PAX8: variants seen among roughly 807,000 people sequenced by gnomAD.
PAX8 encodes paired box protein Pax-8.
PAX8 carries 15 observed loss-of-function variants against 52.4 expected under a neutral mutation model. The ratio of observed to expected loss-of-function variants is 0.29; its 90% confidence interval spans 0.19 to 0.44. The LOEUF (loss-of-function observed/expected upper bound fraction) is 0.44. PAX8 is among the 20% of genes least tolerant of loss of function. The probability of loss-of-function intolerance (pLI) is 1.00; values close to 1 mark genes in which losing one functional copy is unlikely to be tolerated. For missense variants in PAX8, 554 were observed against 602.5 expected, an observed-to-expected ratio of 0.92 and a Z score of 0.84; for synonymous variants, 284 against 249.7, an observed-to-expected ratio of 1.14 and a Z score of -1.29.
chr2:113,235,389 C>T lies in PAX8; in HGVS notation c.1087+5G>A, dbSNP rs778012744. The stretch of plus-strand genomic sequence containing the variant: ...CTGCATGGCCCCGGGACCTCCCTGT[C>T]GTACCTGAGAGGAGGGCCTGGCCCG... On this transcript the variant is annotated splice_donor_5th_base_variant and intron_variant, in intron 9 of 11. Coordinates refer to ENST00000429538, the MANE Select transcript of PAX8 (RefSeq NM_003466.4). 123 of 1,567,856 alleles carry T rather than the reference C, an allele frequency of 7.8e-5. 2 individuals carry two copies. The South Asian group carries it at 1.2e-3, about 15-fold the overall frequency.
rs774457240 is a variant in PAX8, at chr2:113,218,110, G to A, written c.*423C>T. 15 of 238,440 alleles carry A rather than the reference G, an allele frequency of 6.3e-5. No individual in the cohort carries two copies. The highest frequency in any genetic ancestry group is 1.1e-4 in the Non-Finnish European group (14 of 122,050). 14.8% of individuals were successfully genotyped at this position (238,440 alleles called of 1,614,324 possible). A position where few individuals can be genotyped will look rare whatever the true frequency, so the allele number is the denominator to read the frequency against. ...TGTGGGCTGGAGGGAAGTGCTTATG[G>A]TCCATAATTGCTAGAGTTGTGTTAA... On this transcript the variant is annotated 3_prime_UTR_variant, in exon 12 of 12. Coordinates refer to ENST00000429538, the MANE Select transcript of PAX8 (RefSeq NM_003466.4).
At chr2:113,258,537 A>G (rs1004797380) in intron 2 of PAX8, among the ~76,000 whole-genome samples, 9 of 152,036 alleles carry the variant, frequency 5.9e-5, no homozygotes, top group Non-Finnish European at 1.0e-4. Flanking sequence ...TCTTTTGGCC[A>G]TCCCCCTTCC....
At chr2:113,252,204 G>C (rs527291923) in intron 2 of PAX8, among the ~76,000 whole-genome samples, 2 of 152,304 alleles carry the variant, frequency 1.3e-5, no homozygotes, top group Non-Finnish European at 2.9e-5. Flanking sequence ...CTGAGCCTTG[G>C]CAGGGCTATA....
At position 113,257,861 on chromosome 2, in the gene PAX8, T is replaced by C. The variant is rs112255945; in HGVS notation, c.26-10942A>G. ...AATGCATCTTTTCAATTAATTCTTA[T>C]AATAACCCTTTGAGAAATGAAGTAC... On this transcript the variant is annotated intron_variant, in intron 2 of 11. Transcript: ENST00000429538. 9.9e-3 allele frequency among the ~76,000 whole-genome samples: 1,511 copies of C among 152,326 alleles called. 27 individuals carry two copies. The highest frequency in any genetic ancestry group is 0.034 in the African/African-American group (1,415 of 41,552).
At chr2:113,233,283 CT>C (rs1473494746) in intron 9 of PAX8, among the ~76,000 whole-genome samples, 8 of 150,550 alleles carry the variant, frequency 5.3e-5, no homozygotes, top group African/African-American at 2.0e-4. Flanking sequence ...CTGGATGTCC[CT>C]CTCTTCTAAG....
At position 113,216,563 on chromosome 2, in the gene PAX8, AG is replaced by A. The variant is rs1437466007; in HGVS notation, c.*1969del. ...CACCAGACAGCCCCCTGGAGTGCAG[AG>A]CCCGAGCTGTCACATTGCATTTCCC... On this transcript the variant is annotated 3_prime_UTR_variant, in exon 12 of 12. Transcript: ENST00000429538. 1 of 229,962 alleles carries A rather than the reference AG, an allele frequency of 4.3e-6. No homozygotes were observed. The highest frequency in any genetic ancestry group is 8.6e-6 in the Non-Finnish European group (1 of 116,038). 14.2% of individuals were successfully genotyped at this position (229,962 alleles called of 1,614,324 possible).
chr2:113,229,717 C>A (rs1311704624), intron 9 of PAX8, among the ~76,000 whole-genome samples: 1 of 152,190 alleles, frequency 6.6e-6, no homozygotes, highest in Non-Finnish European at 1.5e-5. Context: ...AAAATCTGAG[C>A]TTTCTTTGAA....
intron 10 of PAX8, 174 bp downstream of exon 10, chr2:113,226,981 G>A: frequency 2.6e-6 from 4 of 1,521,158 alleles, no homozygotes; most frequent in Non-Finnish European, 3.5e-6. Context: ...AGTCAGGACT[G>A]CACTGGGACA....
rs528054716 is a variant in PAX8 at position 113,235,376 on chromosome 2, G to A, written c.1087+18C>T. The A allele has an allele frequency of 7.1e-6, 11 of 1,554,836 alleles. No individual in the cohort carries two copies. The East Asian group carries it at 7.2e-5, about 10-fold the overall frequency. On this transcript the variant is annotated intron_variant, in intron 9 of 11. Coordinates refer to ENST00000429538, the MANE Select transcript of PAX8 (RefSeq NM_003466.4). ...CCCGCCGCCATAGCTGCATGGCCCC[G>A]GGACCTCCCTGTCGTACCTGAGAGG...
chr2:113,246,637 C>G, intron 3 of PAX8, 117 bp downstream of exon 3: 1 of 1,179,358 alleles, frequency 8.5e-7, no homozygotes, highest in Non-Finnish European at 1.2e-6. Context: ...AGGACCAAAG[C>G]TGGACATTGG....
chr2:113,277,094 C>T (rs915824759), intron 2 of PAX8, among the ~76,000 whole-genome samples: 1 of 152,202 alleles, frequency 6.6e-6, no homozygotes, highest in African/African-American at 2.4e-5. Flanking sequence ...CCAACCCCGC[C>T]GCGCCGGGGA....
intron 2 of PAX8, chr2:113,270,161 C>G (rs556172959): frequency 6.6e-6 from 1 of 152,160 alleles, no homozygotes; most frequent in Admixed American, 6.5e-5. Context: ...TTAAATGGAA[C>G]GAAGTACTGG....
At chr2:113,257,014 G>A (rs1355519999) in intron 2 of PAX8, among the ~76,000 whole-genome samples, 2 of 152,116 alleles carry the variant, frequency 1.3e-5, no homozygotes, top group Admixed American at 6.5e-5. Context: ...GGGGACATAG[G>A]GGGATGAAGA....
chr2:113,263,303 A>AGCAAATATTCCAAATGCCAG (rs569489757), intron 2 of PAX8: 1 of 152,682 alleles, frequency 6.5e-6, no homozygotes, highest in South Asian at 2.1e-4. Context: ...GTATCAGCAC[A>AGCAAATATTCCAAATGCCAG]GCAAATATTC....
intron 10 of PAX8, chr2:113,220,470 T>C (rs2104414631): frequency 3.3e-6 from 1 of 301,640 alleles, no homozygotes; most frequent in South Asian, 6.1e-5. Context: ...ACTACCCCCA[T>C]TTTCCAGATG....
intron 11 of PAX8, 67 bp downstream of exon 11, chr2:113,220,025 C>T: frequency 8.5e-7 from 1 of 1,177,986 alleles, no homozygotes; most frequent in South Asian, 1.3e-5. Context: ...AACCTTTGAC[C>T]CACCCTTGCC....
chr2:113,276,260 G>C (rs532757127), intron 2 of PAX8: 163 of 152,364 alleles, frequency 1.1e-3, no homozygotes, highest in African/African-American at 3.6e-3. Flanking sequence ...TGCCGAGGGA[G>C]GGTTCAGAAA....
At chr2:113,230,719 C>A (rs1666849135) in intron 9 of PAX8, 1 of 152,246 alleles carries the variant, frequency 6.6e-6, no homozygotes, top group Non-Finnish European at 1.5e-5. Flanking sequence ...TGCATAGTTT[C>A]TTCCAAAAAG....
chr2:113,260,718 T>C (rs1344946839), intron 2 of PAX8, among the ~76,000 whole-genome samples: 4 of 152,164 alleles, frequency 2.6e-5, no homozygotes, highest in Non-Finnish European at 5.9e-5. Flanking sequence ...TTGAACTAAA[T>C]GACCTCTAAG....
Sources: gnomAD v4.1 joint callset for allele counts (sites outside exome capture counted in the v4.1 genomes callset) on GRCh38, gnomAD v4.1.1 for gene constraint, MANE v1.5 for transcripts, NCBI Gene and HGNC (gene_info 2026-07-23, HGNC 2026-07-21) for gene names.